Variants in KCNC2 observed in about 807,000 individuals in gnomAD.
KCNC2 encodes the protein voltage-gated potassium channel KCNC2.
A neutral mutation model predicts 44.5 loss-of-function variants in KCNC2; 21 were observed. That is an observed-to-expected ratio of 0.47 (90% confidence interval 0.33 to 0.68). The LOEUF is 0.68. KCNC2 is among the 30% of genes least tolerant of loss of function. The pLI, the probability that KCNC2 is intolerant of heterozygous loss-of-function variation, is 0.01. For missense variants in KCNC2, 589 were observed against 826.2 expected, an observed-to-expected ratio of 0.71 and a Z score of 3.52; for synonymous variants, 391 against 339.1, an observed-to-expected ratio of 1.15 and a Z score of -1.68.
intron 2 of KCNC2, among the ~76,000 whole-genome samples, chr12:75,195,455 T>C (rs1483178777): frequency 1.3e-5 from 2 of 152,112 alleles, no homozygotes; most frequent in African/African-American, 2.4e-5. Flanking sequence ...ATAGTAACCA[T>C]TGAATCTTGA....
At chr12:75,199,069 G>A (rs2031018163) in intron 2 of KCNC2, among the ~76,000 whole-genome samples, 1 of 151,764 alleles carries the variant, frequency 6.6e-6, no homozygotes, top group Admixed American at 6.6e-5. Context: ...GAGAATTTAT[G>A]CAACCAAAAG....
At chr12:75,181,403 G>A (rs950358780) in intron 2 of KCNC2, among the ~76,000 whole-genome samples, 9 of 152,116 alleles carry the variant, frequency 5.9e-5, no homozygotes, top group African/African-American at 1.9e-4. Flanking sequence ...GACAGTATCA[G>A]TTCTAAGCAA....
At chr12:75,081,101 A>T (rs1289834001) in intron 2 of KCNC2, among the ~76,000 whole-genome samples, 1 of 152,100 alleles carries the variant, frequency 6.6e-6, no homozygotes, top group South Asian at 2.1e-4. Context: ...CTGTAACGCT[A>T]TACACTAACT....
intron 2 of KCNC2, among the ~76,000 whole-genome samples, chr12:75,200,432 A>G (rs1251232470): frequency 6.6e-6 from 1 of 151,794 alleles, no homozygotes; most frequent in Admixed American, 6.6e-5. Context: ...TCACTAATAT[A>G]ATATATATTT....
chr12:75,141,512 T>A (rs548878163), intron 2 of KCNC2, among the ~76,000 whole-genome samples: 35 of 152,328 alleles, frequency 2.3e-4, no homozygotes, highest in Non-Finnish European at 4.3e-4. Context: ...CATTTCTGAC[T>A]AATATGTAGC....
intron 2 of KCNC2, among the ~76,000 whole-genome samples, chr12:75,187,343 T>C (rs1042169216): frequency 6.6e-6 from 1 of 152,246 alleles, no homozygotes; most frequent in African/African-American, 2.4e-5. Context: ...ATTGCCATTA[T>C]TTAAAATATG....
At chr12:75,152,802 A>G (rs963223931) in intron 2 of KCNC2, among the ~76,000 whole-genome samples, 21 of 152,116 alleles carry the variant, frequency 1.4e-4, no homozygotes, top group African/African-American at 4.3e-4. Context: ...AGAAGACTCA[A>G]TGCAATAAAT....
intron 1 of KCNC2, among the ~76,000 whole-genome samples, chr12:75,208,989 C>A (rs977958081): frequency 1.3e-5 from 2 of 151,970 alleles, no homozygotes; most frequent in Non-Finnish European, 2.9e-5. Flanking sequence ...GGGCGAGGCT[C>A]GGGGAAAAGC....
At chr12:75,045,930 T>G (rs987535650) in intron 4 of KCNC2, among the ~76,000 whole-genome samples, 3 of 151,508 alleles carry the variant, frequency 2.0e-5, no homozygotes, top group African/African-American at 7.3e-5. Context: ...TAGACCAACT[T>G]GAGGGATAAA....
chr12:75,151,229 A>G (rs905783237), intron 2 of KCNC2, among the ~76,000 whole-genome samples: 4 of 151,998 alleles, frequency 2.6e-5, no homozygotes, highest in African/African-American at 9.7e-5. Flanking sequence ...TCCATATCAA[A>G]CAAACATACT....
At chr12:75,147,677 A>G (rs1007178989) in intron 2 of KCNC2, among the ~76,000 whole-genome samples, 10 of 152,194 alleles carry the variant, frequency 6.6e-5, no homozygotes, top group African/African-American at 2.4e-4. Flanking sequence ...CAAAGCACAG[A>G]CATGACACAT....
At position 75,048,513 on chromosome 12, in the gene KCNC2, T is replaced by C. The variant is rs914005173; in HGVS notation, c.1616-196A>G. On this transcript the variant is annotated intron_variant, in intron 3 of 4. Transcript: ENST00000549446. ...CAAAATGGAAATGTATTGAAAAGAA[T>C]AGAAATGTTTTTTGGGAGATTTTAA... Among the ~76,000 whole-genome samples the C allele has an allele frequency of 3.1e-4, 47 of 152,182 alleles. 1 individual carries two copies. Among genetic ancestry groups the C allele is most frequent in the Admixed American group, 1.0e-3 (16 of 15,274 alleles).
In KCNC2 at chr12:75,042,560, A is replaced by G. The variant is rs543094472; in HGVS notation, c.*545T>C. On this transcript the variant is annotated 3_prime_UTR_variant, in exon 5 of 5. Coordinates refer to ENST00000549446, the MANE Select transcript of KCNC2 (RefSeq NM_139137.4). ...TGCAGAACAGTCGACCAATGCTTTC[A>G]TATCAGCAGGATGGTTCGATGCAAG... 2.9e-6 allele frequency: 4 copies of G among 1,394,792 alleles called. No individual in the cohort carries two copies. Among genetic ancestry groups the G allele is most frequent in the Admixed American group, 3.0e-5 (1 of 33,850 alleles). The allele number at this position is 1,394,792 out of a possible 1,614,324, so 86.4% of individuals were successfully genotyped here.
Position 75,201,283 on chromosome 12 carries a change from AAAAAAAAAAAAAAAAC to A in KCNC2, c.687+5998_687+6013del, listed in dbSNP as rs1182880163. The stretch of plus-strand genomic sequence containing the variant: ...ATTGGAAAAAAAAAAAAAAAAAAAA[AAAAAAAAAAAAAAAAC>A]CAGATTCTGGTTTACTTTATTAGTG... On this transcript the variant is annotated intron_variant, in intron 2 of 4. Coordinates refer to ENST00000549446, the MANE Select transcript of KCNC2 (RefSeq NM_139137.4). Among the ~76,000 whole-genome samples, 314 of 127,564 alleles carry A rather than the reference AAAAAAAAAAAAAAAAC, an allele frequency of 2.5e-3. 10 individuals carry two copies. Among genetic ancestry groups the A allele is most frequent in the Middle Eastern group, 7.4e-3 (2 of 272 alleles). The allele number at this position is 127,564 out of a possible 152,430, so 83.7% of individuals were successfully genotyped here.
At chr12:75,131,385 T>A (rs1300741789) in intron 2 of KCNC2, among the ~76,000 whole-genome samples, 5 of 152,186 alleles carry the variant, frequency 3.3e-5, no homozygotes, top group African/African-American at 1.2e-4. Flanking sequence ...ACTAAAGAAC[T>A]ACTGAAAGCA....
chr12:75,129,160 T>C (rs1174280713), intron 2 of KCNC2, among the ~76,000 whole-genome samples: 1 of 152,130 alleles, frequency 6.6e-6, no homozygotes, highest in Non-Finnish European at 1.5e-5. Flanking sequence ...AGACGGGTTA[T>C]GGTATCAAGG....
intron 2 of KCNC2, among the ~76,000 whole-genome samples, chr12:75,071,814 G>A (rs1033026703): frequency 1.2e-4 from 18 of 151,978 alleles, no homozygotes; most frequent in African/African-American, 3.9e-4. Flanking sequence ...GCACGCACCT[G>A]TAATCCCAGC....
At chr12:75,084,301 T>TAGAC (rs1884794546) in intron 2 of KCNC2, among the ~76,000 whole-genome samples, 1 of 149,664 alleles carries the variant, frequency 6.7e-6, no homozygotes, top group Non-Finnish European at 1.5e-5. Context: ...GATAGATAGA[T>TAGAC]AGATAGATAG....
At chr12:75,112,432 A>G (rs1232180054) in intron 2 of KCNC2, among the ~76,000 whole-genome samples, 2 of 152,150 alleles carry the variant, frequency 1.3e-5, no homozygotes, top group East Asian at 3.9e-4. Flanking sequence ...AACTCTTCCT[A>G]CAATTTCCCT....
Sources: gnomAD v4.1 joint callset for allele counts (sites outside exome capture counted in the v4.1 genomes callset) on GRCh38, gnomAD v4.1.1 for gene constraint, MANE v1.5 for transcripts, NCBI Gene and HGNC (gene_info 2026-07-23, HGNC 2026-07-21) for gene names.